CAMK2D: variants seen among roughly 807,000 people sequenced by gnomAD.
CAMK2D encodes the protein calcium/calmodulin dependent protein kinase II delta.
CAMK2D carries 37 observed loss-of-function variants against 84.0 expected under a neutral mutation model. The ratio of observed to expected loss-of-function variants is 0.44; its 90% CI spans 0.34 to 0.58. The LOEUF (loss-of-function observed/expected upper bound fraction) is 0.58, where lower values mean the gene tolerates loss of function less well. Among genes scored for constraint, CAMK2D ranks in the 20% least tolerant of loss-of-function variants. CAMK2D has a pLI of 0.02. For synonymous variants in CAMK2D, 202 were observed against 212.5 expected (o/e 0.95, Z 0.43); for missense variants, 448 against 652.5 (o/e 0.69, Z 3.41).
In CAMK2D at chr4:113,651,809, ATAAT is replaced by A. The variant is rs1407467967; in HGVS notation, c.220+9900_220+9903del. On this transcript the variant is annotated intron_variant, in intron 3 of 20. Coordinates refer to ENST00000511664, the MANE Select transcript of CAMK2D (RefSeq NM_001321571.2). ...TAAAAGACTGTCTTGTACAGCGATA[ATAAT>A]TAATTCAGGGCCAGATGTGACCACC... 3.3e-5 allele frequency among the ~76,000 whole-genome samples: 5 copies of A among 152,316 alleles called. No individual in the cohort carries two copies. The South Asian group carries it at 8.3e-4, about 25-fold the overall frequency.
intron 5 of CAMK2D, among the ~76,000 whole-genome samples, chr4:113,549,618 A>T (rs1398673373): frequency 2.0e-5 from 3 of 152,242 alleles, no homozygotes; most frequent in Non-Finnish European, 4.4e-5. Context: ...ATAATAATGC[A>T]GAACACATCA....
chr4:113,705,756 G>T (rs1267325830), intron 2 of CAMK2D, among the ~76,000 whole-genome samples: 4 of 152,154 alleles, frequency 2.6e-5, no homozygotes, highest in Non-Finnish European at 4.4e-5. Flanking sequence ...GATAGTGAAT[G>T]AAATTTAATG....
intron 4 of CAMK2D, among the ~76,000 whole-genome samples, chr4:113,597,596 G>A (rs1331003675): frequency 1.3e-5 from 2 of 152,174 alleles, no homozygotes; most frequent in Non-Finnish European, 2.9e-5. Flanking sequence ...GACCAATAAA[G>A]CTTTCTCCAT....
intron 2 of CAMK2D, chr4:113,754,091 AATATAAAG>A (rs1378260225): frequency 1.1e-6 from 1 of 870,950 alleles, no homozygotes; most frequent in African/African-American, 1.8e-5. Context: ...AGTGATTTGA[AATATAAAG>A]ATATGTTTTA....
At chr4:113,692,381 A>G (rs148097399) in intron 2 of CAMK2D, among the ~76,000 whole-genome samples, 2,937 of 152,292 alleles carry the variant, frequency 0.019, 47 homozygotes, top group Middle Eastern at 0.034. Flanking sequence ...TTACATTTAC[A>G]TGGTACTACT....
At chr4:113,748,277 C>G (rs1159743087) in intron 2 of CAMK2D, among the ~76,000 whole-genome samples, 1 of 150,852 alleles carries the variant, frequency 6.6e-6, no homozygotes, top group East Asian at 1.9e-4. Context: ...GCAGAAGGAC[C>G]AGAACATGGT....
At chr4:113,581,186 C>A (rs188059148) in intron 4 of CAMK2D, among the ~76,000 whole-genome samples, 1 of 152,052 alleles carries the variant, frequency 6.6e-6, no homozygotes, top group African/African-American at 2.4e-5. Flanking sequence ...TCTATTTGAC[C>A]TTTTCTATAC....
intron 4 of CAMK2D, among the ~76,000 whole-genome samples, chr4:113,566,569 C>A (rs2098724997): frequency 6.6e-6 from 1 of 152,194 alleles, no homozygotes; most frequent in Admixed American, 6.5e-5. Context: ...CTAAATTCCT[C>A]TTTCTGGCCT....
At chr4:113,624,145 T>A (rs1371374944) in intron 3 of CAMK2D, among the ~76,000 whole-genome samples, 1 of 152,166 alleles carries the variant, frequency 6.6e-6, no homozygotes, top group Non-Finnish European at 1.5e-5. Context: ...TCACTTCTAG[T>A]AAATTTAAGG....
At chr4:113,623,137 T>C (rs988826997) in intron 3 of CAMK2D, among the ~76,000 whole-genome samples, 1 of 152,186 alleles carries the variant, frequency 6.6e-6, no homozygotes, top group African/African-American at 2.4e-5. Context: ...ATACCCTTGT[T>C]GCCTGTAAAG....
intron 3 of CAMK2D, among the ~76,000 whole-genome samples, chr4:113,621,004 C>T (rs1561412881): frequency 2.0e-5 from 3 of 152,094 alleles, no homozygotes. Flanking sequence ...GGTCAAGGCT[C>T]ACTGCAGACT....
intron 3 of CAMK2D, among the ~76,000 whole-genome samples, chr4:113,645,899 C>G (rs1242972365): frequency 6.6e-6 from 1 of 152,144 alleles, no homozygotes; most frequent in Non-Finnish European, 1.5e-5. Context: ...AGAAACACAT[C>G]AAAGATCACC....
intron 3 of CAMK2D, among the ~76,000 whole-genome samples, chr4:113,612,377 CATTA>C (rs1200191177): frequency 6.6e-6 from 1 of 152,126 alleles, no homozygotes; most frequent in Admixed American, 6.5e-5. Context: ...CAAAATGTTA[CATTA>C]ATTATTCCCT....
chr4:113,496,450 T>TC (rs1037367254), intron 16 of CAMK2D, among the ~76,000 whole-genome samples: 4 of 150,564 alleles, frequency 2.7e-5, no homozygotes, highest in Non-Finnish European at 5.9e-5. Context: ...CATTTGCTTT[T>TC]TTTTTTTTTT....
chr4:113,504,348 C>T (rs2098097713), intron 14 of CAMK2D, among the ~76,000 whole-genome samples: 1 of 152,126 alleles, frequency 6.6e-6, no homozygotes, highest in Non-Finnish European at 1.5e-5. Flanking sequence ...CTGGTTTCCA[C>T]TGATAATTCA....
At chr4:113,736,748 G>GA (rs999810386) in intron 2 of CAMK2D, among the ~76,000 whole-genome samples, 1 of 152,006 alleles carries the variant, frequency 6.6e-6, no homozygotes, top group Admixed American at 6.6e-5. Context: ...AAATAATTAT[G>GA]AAAAACAGAT....
At chr4:113,534,280 C>T (rs574430701) in intron 7 of CAMK2D, among the ~76,000 whole-genome samples, 1 of 152,204 alleles carries the variant, frequency 6.6e-6, no homozygotes, top group South Asian at 2.1e-4. Flanking sequence ...AAACGTAGAA[C>T]ACCACATCTC....
chr4:113,705,427 G>T (rs2099446486), intron 2 of CAMK2D, among the ~76,000 whole-genome samples: 1 of 151,798 alleles, frequency 6.6e-6, no homozygotes, highest in Non-Finnish European at 1.5e-5. Context: ...GCATTCAGCA[G>T]CTATATACTC....
chr4:113,699,459 C>T (rs1004468567), intron 2 of CAMK2D, among the ~76,000 whole-genome samples: 2 of 152,114 alleles, frequency 1.3e-5, no homozygotes, highest in African/African-American at 4.8e-5. Flanking sequence ...TCTCACAGAA[C>T]ATCAACTAGA....
Sources: allele counts gnomAD v4.1 joint callset (sites outside exome capture counted in the v4.1 genomes callset), GRCh38; gene constraint gnomAD v4.1.1; transcripts MANE v1.5; gene names NCBI Gene and HGNC (gene_info 2026-07-23, HGNC 2026-07-21).